The following FARP2 variants were observed in gnomAD, a reference collection of about 807,000 sequenced individuals.
FARP2 encodes the protein FERM, ARH/RhoGEF and pleckstrin domain protein 2.
A neutral mutation model predicts 130.5 loss-of-function variants in FARP2; 111 were observed. The ratio of observed to expected loss-of-function variants is 0.85; its 90% CI spans 0.73 to 1.00. The LOEUF is 1.00. Among genes scored for constraint, FARP2 ranks in the 50% least tolerant of loss-of-function variants. The pLI, the probability that FARP2 is intolerant of heterozygous loss-of-function variation, is 0.00. For synonymous variants in FARP2, 504 were observed against 516.9 expected (o/e 0.98, Z 0.34); for missense variants, 1,385 against 1,346.3 (o/e 1.03, Z -0.45).
chr2:241,437,941 A>G (rs56107857), intron 12 of FARP2, among the ~76,000 whole-genome samples: 28,686 of 152,014 alleles, frequency 0.19, 2,952 homozygotes, highest in East Asian at 0.4. Context: ...CTGGGAATAC[A>G]GGCATGAGCC....
intron 2 of FARP2, among the ~76,000 whole-genome samples, chr2:241,400,959 A>T (rs141821307): frequency 1.0e-3 from 156 of 152,330 alleles, no homozygotes; most frequent in Non-Finnish European, 1.6e-3. Flanking sequence ...GAGCGCTGGC[A>T]TGCCTCCTCC....
At chr2:241,487,613 G>T (rs1279430721) in intron 21 of FARP2, among the ~76,000 whole-genome samples, 1 of 145,016 alleles carries the variant, frequency 6.9e-6, no homozygotes, top group Non-Finnish European at 1.5e-5. Context: ...GTTGCACTGA[G>T]CCGAGATCAC....
At chr2:241,471,361 T>G (rs923096150) in intron 18 of FARP2, 1 of 151,792 alleles carries the variant, frequency 6.6e-6, no homozygotes, top group Non-Finnish European at 1.5e-5. Flanking sequence ...GTGGGGATCC[T>G]GTTCTGTGGA....
At position 241,456,809 on chromosome 2, in the gene FARP2, C is replaced by G; in HGVS notation, c.1474C>G (p.Pro492Ala). ...CCGGAAGAGCCCCCTGAGTCTGAGC[C>G]CTGCATTTCAGGTGCCTTTGGGCCC... ...SSRKSPLSLS[P>A]AFQVPLGPAE... is the part of the protein sequence containing the mutation. The change falls in exon 14 of 27, where the codon CCT becomes GCT. Residue 492 changes from proline to alanine, a missense_variant. By Grantham distance (27) the Pro-to-Ala change is conservative. Coordinates refer to ENST00000264042, the MANE Select transcript of FARP2 (RefSeq NM_014808.4). The G allele has an allele frequency of 6.2e-7, 1 of 1,614,120 alleles. No individual in the cohort carries two copies. Among genetic ancestry groups the G allele is most frequent in the African/African-American group, 1.3e-5 (1 of 75,056 alleles).
chr2:241,416,025 GTGT>G (rs1337412004), intron 7 of FARP2, among the ~76,000 whole-genome samples: 1 of 137,160 alleles, frequency 7.3e-6, no homozygotes, highest in Non-Finnish European at 1.7e-5. Context: ...GTGTGTGTGT[GTGT>G]GTGTGTCTGG....
chr2:241,443,346 G>T (rs1049485299), intron 13 of FARP2: 1 of 150,896 alleles, frequency 6.6e-6, no homozygotes, highest in Non-Finnish European at 1.5e-5. Context: ...TCTTGGAGAG[G>T]CGTTGGTTTA....
intron 1 of FARP2, among the ~76,000 whole-genome samples, chr2:241,363,205 T>G (rs2061229419): frequency 6.6e-6 from 1 of 152,220 alleles, no homozygotes; most frequent in African/African-American, 2.4e-5. Flanking sequence ...CAGAGTAGTT[T>G]TGTAGTTGGG....
At chr2:241,418,268 C>T (rs2150373538) in intron 8 of FARP2, among the ~76,000 whole-genome samples, 159 bp downstream of exon 8, 1 of 152,334 alleles carries the variant, frequency 6.6e-6, no homozygotes, top group African/African-American at 2.4e-5. Flanking sequence ...CAACCTCTTA[C>T]TCAGTGGGAA....
Position 241,493,029 on chromosome 2 carries a change from C to CTCA in FARP2, c.2892_2894dup (p.His964dup), listed in dbSNP as rs747259324. ...AACTTCTGTTTGTTCTTCTACAAAA[C>CTCA]TCATCAGGTACTGGAGTTTCACTGG... On this transcript the variant is annotated inframe_insertion, in exon 25 of 27. Coordinates refer to ENST00000264042, the MANE Select transcript of FARP2 (RefSeq NM_014808.4). 6.3e-7 allele frequency: 1 copy of CTCA among 1,576,512 alleles called. No homozygotes were observed. The highest frequency in any genetic ancestry group is 2.2e-5 in the East Asian group (1 of 44,720).
intron 1 of FARP2, among the ~76,000 whole-genome samples, chr2:241,358,722 G>T (rs1269684121): frequency 6.6e-6 from 1 of 152,198 alleles, no homozygotes; most frequent in East Asian, 1.9e-4. Context: ...ATACTGAGCT[G>T]AGGTAATTCC....
chr2:241,431,830 A>AT, intron 9 of FARP2, 56 bp downstream of exon 9: 2 of 618,846 alleles, frequency 3.2e-6, no homozygotes, highest in Non-Finnish European at 2.3e-6. Context: ...TTATTTATTT[A>AT]TTTTTTTGAG....
chr2:241,475,797 G>A lies in FARP2; in HGVS notation c.2132-60G>A. 1 of 1,441,312 alleles carries A rather than the reference G, an allele frequency of 6.9e-7. No individual in the cohort carries two copies. The highest frequency in any genetic ancestry group is 9.2e-7 in the Non-Finnish European group (1 of 1,085,634). The allele number at this position is 1,441,312 out of a possible 1,614,324, so 89.3% of individuals were successfully genotyped here. Reference sequence around the variant, plus strand: ...GCTGGTTCCTGTCACAAGGTGGTGGGTGGAGGGTGCTGTGCACACCACTGC... The same window carrying A: ...GCTGGTTCCTGTCACAAGGTGGTGGATGGAGGGTGCTGTGCACACCACTGC... On this transcript the variant is annotated intron_variant, in intron 18 of 26. Coordinates refer to ENST00000264042, the MANE Select transcript of FARP2 (RefSeq NM_014808.4). The surrounding 1 kb of genome is among the most constrained non-coding windows in gnomAD (Gnocchi z 4.4).
intron 5 of FARP2, among the ~76,000 whole-genome samples, chr2:241,408,011 A>C (rs1179192585): frequency 1.3e-5 from 2 of 152,234 alleles, no homozygotes; most frequent in Non-Finnish European, 2.9e-5. Context: ...TTTATGGAGC[A>C]GAAATACTTT....
intron 2 of FARP2, among the ~76,000 whole-genome samples, chr2:241,385,062 A>C (rs2061752947): frequency 6.6e-6 from 1 of 152,228 alleles, no homozygotes; most frequent in Non-Finnish European, 1.5e-5. Flanking sequence ...TTGTTAGCTT[A>C]ACATAAGCAA....
intron 1 of FARP2, among the ~76,000 whole-genome samples, chr2:241,362,991 C>CT (rs1315993167): frequency 1.3e-5 from 2 of 152,240 alleles, no homozygotes; most frequent in Admixed American, 6.5e-5. Context: ...CTGTCTGTGG[C>CT]TGTAAGACCT....
In FARP2 at chr2:241,385,090, G is replaced by A. The variant is rs2150318620; in HGVS notation, c.183+11800G>A. Among the ~76,000 whole-genome samples, 3 of 152,246 alleles carry A rather than the reference G, an allele frequency of 2.0e-5. No individual in the cohort carries two copies. In the Middle Eastern group the frequency reaches 0.01, roughly 518 times the overall value. On this transcript the variant is annotated intron_variant, in intron 2 of 26. Coordinates refer to ENST00000264042, the MANE Select transcript of FARP2 (RefSeq NM_014808.4). ...ATAAGCAAAAACAACCATCTTGCGA[G>A]TCTTTCATCAGCTCTTAGTAAAACA...
At chr2:241,462,062 C>T (rs1457185791) in intron 14 of FARP2, among the ~76,000 whole-genome samples, 1 of 152,212 alleles carries the variant, frequency 6.6e-6, no homozygotes, top group Non-Finnish European at 1.5e-5. Context: ...GCACGGAAAA[C>T]TGGGCCCGGG....
At chr2:241,432,807 T>C (rs987790266) in intron 9 of FARP2, among the ~76,000 whole-genome samples, 2 of 152,176 alleles carry the variant, frequency 1.3e-5, no homozygotes, top group African/African-American at 4.8e-5. Flanking sequence ...AAAAAGTAGA[T>C]TTGCCAAGCT....
chr2:241,420,670 A>G (rs376906245), intron 8 of FARP2, among the ~76,000 whole-genome samples: 149 of 152,304 alleles, frequency 9.8e-4, no homozygotes, highest in Middle Eastern at 3.4e-3. Flanking sequence ...CCTGGTCTGC[A>G]CGCCAGGCAG....
Sources: gnomAD v4.1 joint callset for allele counts (sites outside exome capture counted in the v4.1 genomes callset) on GRCh38, gnomAD v4.1.1 for gene constraint, Gnocchi (gnomAD v3.1) non-coding constraint, MANE v1.5 for transcripts, NCBI Gene and HGNC (gene_info 2026-07-23, HGNC 2026-07-21) for gene names.